The following NDEL1 variants were observed in gnomAD, a reference collection of about 807,000 sequenced individuals.
NDEL1 encodes nuclear distribution protein nudE-like 1.
NDEL1 carries 9 observed loss-of-function variants against 45.7 expected under a neutral mutation model. That is an observed-to-expected ratio of 0.20 (90% CI 0.12 to 0.34). The LOEUF (loss-of-function observed/expected upper bound fraction) is 0.34, where lower values mean the gene tolerates loss of function less well. Among genes scored for constraint, NDEL1 ranks in the 10% least tolerant of loss-of-function variants. The pLI is 1.00. For synonymous variants in NDEL1, 133 were observed against 158.6 expected, an observed-to-expected ratio of 0.84 and a Z score of 1.21; for missense variants, 306 against 406.2, an observed-to-expected ratio of 0.75 and a Z score of 2.12.
At chr17:8,468,182 G>A (rs1567747853), downstream of NDEL1, 1 of 152,220 alleles carries the variant, frequency 6.6e-6, no homozygotes. Context: ...GCTTTATTCA[G>A]TCTCTGCCAT....
intron 8 of NDEL1, 85 bp downstream of exon 8, chr17:8,460,245 TA>T: frequency 7.0e-7 from 1 of 1,428,402 alleles, no homozygotes; most frequent in Non-Finnish European, 9.5e-7. Flanking sequence ...CTTGAAAAGG[TA>T]AACTCAGCTT....
intron 4 of NDEL1, among the ~76,000 whole-genome samples, chr17:8,447,527 C>T (rs1910162068): frequency 6.6e-6 from 1 of 152,180 alleles, no homozygotes; most frequent in Admixed American, 6.5e-5. Flanking sequence ...TCCATACTTC[C>T]TGTAGGTCCT....
chr17:8,442,110 G>C (rs1313438577), intron 1 of NDEL1, among the ~76,000 whole-genome samples: 7 of 152,044 alleles, frequency 4.6e-5, no homozygotes, highest in Non-Finnish European at 8.8e-5. Flanking sequence ...GTGTGCAGTG[G>C]TTATCTCTAA....
At chr17:8,448,429 T>G in intron 4 of NDEL1, 121 bp from the exon 5 acceptor site, 1 of 1,043,228 alleles carries the variant, frequency 9.6e-7, no homozygotes, top group Non-Finnish European at 1.4e-6. Context: ...ATCATCTTCT[T>G]TGATTGGGGC....
chr17:8,431,410 A>G (rs1021874016), upstream of NDEL1: 2 of 152,270 alleles, frequency 1.3e-5, no homozygotes, highest in African/African-American at 2.4e-5. Flanking sequence ...TCAGTTTACA[A>G]TATGTACAAT....
At chr17:8,415,326 C>T (rs1264703844) in intron 1 of NDEL1, among the ~76,000 whole-genome samples, 1 of 152,080 alleles carries the variant, frequency 6.6e-6, no homozygotes, top group African/African-American at 2.4e-5. Context: ...CCACAGGTGT[C>T]TGCCATCATA....
At chr17:8,463,520 T>C (rs200675912) in intron 8 of NDEL1, among the ~76,000 whole-genome samples, 2 of 152,246 alleles carry the variant, frequency 1.3e-5, no homozygotes, top group East Asian at 3.8e-4. Context: ...CTTGACTGTA[T>C]GCCGTTATTA....
chr17:8,453,188 C>T (rs931070783), intron 6 of NDEL1, among the ~76,000 whole-genome samples: 6 of 152,204 alleles, frequency 3.9e-5, no homozygotes, highest in Middle Eastern at 3.4e-3. Context: ...TCACGTTGAG[C>T]GCCTGTTATG....
At chr17:8,419,153 T>G (rs1175641815) in intron 1 of NDEL1, among the ~76,000 whole-genome samples, 1 of 152,124 alleles carries the variant, frequency 6.6e-6, no homozygotes, top group Non-Finnish European at 1.5e-5. Flanking sequence ...CCTGGCCTGA[T>G]CCCTTATTTT....
chr17:8,418,630 C>T (rs547994914), intron 1 of NDEL1, among the ~76,000 whole-genome samples: 44 of 149,996 alleles, frequency 2.9e-4, no homozygotes, highest in African/African-American at 1.0e-3. Flanking sequence ...TGGCTGCTTC[C>T]TTCCTTCCTT....
Position 8,467,439 on chromosome 17 carries a change from T to C in NDEL1, c.*416T>C. The C allele has an allele frequency of 2.5e-6, 1 of 395,312 alleles. No individual in the cohort carries two copies. Among genetic ancestry groups the C allele is most frequent in the Non-Finnish European group, 4.5e-6 (1 of 224,168 alleles). 24.5% of individuals were successfully genotyped at this position (395,312 alleles called of 1,614,324 possible). A position where few individuals can be genotyped will look rare whatever the true frequency, so the allele number is the denominator to read the frequency against. ...CCCCAAATCAGGTCAATGTGTGCCC[T>C]CCTGAGCTCCCACCCAGGCATCTCC... On this transcript the variant is annotated 3_prime_UTR_variant, in exon 9 of 9. Transcript: ENST00000334527. This position sits in a 1 kb window ranked among gnomAD's most constrained non-coding sequence, Gnocchi z 6.3.
chr17:8,433,177 C>T (rs1909059675), upstream of NDEL1, among the ~76,000 whole-genome samples: 1 of 151,942 alleles, frequency 6.6e-6, no homozygotes, highest in South Asian at 2.1e-4. Context: ...TTCTTGTCAG[C>T]AGCTGACCTG....
At chr17:8,466,129 T>C (rs984322786) in intron 8 of NDEL1, 13 of 152,200 alleles carry the variant, frequency 8.5e-5, no homozygotes, top group African/African-American at 3.1e-4. Context: ...ATTAAGATAT[T>C]CGTGTATTAA....
At chr17:8,427,279 C>T (rs925510824) in intron 1 of NDEL1, among the ~76,000 whole-genome samples, 1 of 152,176 alleles carries the variant, frequency 6.6e-6, no homozygotes, top group East Asian at 1.9e-4. Context: ...ACAAATAGAA[C>T]CTTCTTTCCC....
rs1597565897 is a variant in NDEL1, at chr17:8,467,729, A to C, written c.*706A>C. The C allele has an allele frequency of 1.3e-5, 2 of 152,908 alleles. No individual in the cohort carries two copies. Among genetic ancestry groups the C allele is most frequent in the East Asian group, 3.9e-4 (2 of 5,190 alleles). The allele number at this position is 152,908 out of a possible 1,614,324, so 9.5% of individuals were successfully genotyped here. On this transcript the variant is annotated 3_prime_UTR_variant, in exon 9 of 9. Transcript: ENST00000334527. This position sits in a 1 kb window ranked among gnomAD's most constrained non-coding sequence, Gnocchi z 6.3. ...GTGCGCCTCAGACTCGGGGTGAGGG[A>C]GGCGGGCAGCCTCTCGCCAGCCTTC... is the stretch of plus-strand genomic sequence containing the variant.
chr17:8,428,361 T>TGTGTGTG (rs1567721245), intron 1 of NDEL1, among the ~76,000 whole-genome samples: 4 of 88,378 alleles, frequency 4.5e-5, no homozygotes, highest in Non-Finnish European at 7.6e-5. Flanking sequence ...TGTGTGTGTG[T>TGTGTGTG]ATTTTTTTTT....
Position 8,424,161 on chromosome 17 carries a change from C to T in NDEL1, c.-13+10892C>T, listed in dbSNP as rs369255707. On this transcript the variant is annotated intron_variant, in intron 1 of 4. Coordinates refer to the NDEL1 transcript ENST00000582812. ...CCTAGACCCTTTGTCTAACGTATAA[C>T]GTATGTATGTTGTTCTACTTTACAA... Among the ~76,000 whole-genome samples the T allele has an allele frequency of 3.9e-5, 6 of 152,296 alleles. No homozygotes were observed. In the East Asian group the frequency reaches 1.2e-3, roughly 29 times the overall value.
At chr17:8,427,053 G>A (rs915501672) in intron 1 of NDEL1, among the ~76,000 whole-genome samples, 1 of 152,224 alleles carries the variant, frequency 6.6e-6, no homozygotes, top group Non-Finnish European at 1.5e-5. Flanking sequence ...AGGCACAGTG[G>A]AAAGGGAAGG....
At chr17:8,451,721 T>G (rs1431911826) in intron 6 of NDEL1, among the ~76,000 whole-genome samples, 2 of 152,134 alleles carry the variant, frequency 1.3e-5, no homozygotes, top group Non-Finnish European at 2.9e-5. Flanking sequence ...TCAATTGAGA[T>G]TTGTTTAGAT....
Sources: gnomAD v4.1 joint callset for allele counts (sites outside exome capture counted in the v4.1 genomes callset) on GRCh38, gnomAD v4.1.1 for gene constraint, Gnocchi (gnomAD v3.1) non-coding constraint, MANE v1.5 for transcripts, NCBI Gene and HGNC (gene_info 2026-07-23, HGNC 2026-07-21) for gene names.